Variants in ACTR3B observed in about 807,000 individuals in gnomAD.
The protein encoded by ACTR3B is actin-related protein 3B.
A neutral mutation model predicts 59.0 loss-of-function variants in ACTR3B; 8 were observed. That is an observed-to-expected ratio of 0.14 (90% CI 0.08 to 0.24). The LOEUF (loss-of-function observed/expected upper bound fraction) is 0.24, where lower values mean the gene tolerates loss of function less well. ACTR3B is among the 10% of genes least tolerant of loss of function. The probability of loss-of-function intolerance (pLI) is 1.00; values close to 1 mark genes in which losing one functional copy is unlikely to be tolerated. For synonymous variants in ACTR3B, 148 were observed against 197.9 expected (o/e 0.75, Z 2.12); for missense variants, 245 against 552.3 (o/e 0.44, Z 5.58).
intron 2 of ACTR3B, among the ~76,000 whole-genome samples, chr7:152,793,421 C>T (rs2098204569): frequency 7.7e-6 from 1 of 129,308 alleles, no homozygotes; most frequent in South Asian, 2.6e-4. Context: ...GTGTTTCTTT[C>T]CTCTGTCCTT....
At chr7:152,811,415 G>A (rs1169361697) in intron 4 of ACTR3B, 1 of 151,616 alleles carries the variant, frequency 6.6e-6, no homozygotes, top group Non-Finnish European at 1.5e-5. Flanking sequence ...TAGTAAAGTG[G>A]AAGGCTGGGA....
intron 1 of ACTR3B, among the ~76,000 whole-genome samples, chr7:152,767,853 G>A (rs6977443): frequency 0.018 from 2,728 of 151,778 alleles, 91 homozygotes; most frequent in African/African-American, 0.063. Flanking sequence ...ATTTTATAAC[G>A]TGCTGCTTTA....
intron 2 of ACTR3B, among the ~76,000 whole-genome samples, chr7:152,789,260 C>T (rs146642865): frequency 0.011 from 1,668 of 149,156 alleles, 39 homozygotes; most frequent in Non-Finnish European, 0.014. Flanking sequence ...CGTGTAGTGA[C>T]GCTCACCTGT....
At chr7:152,787,754 G>T (rs1014245714) in intron 2 of ACTR3B, among the ~76,000 whole-genome samples, 1 of 151,868 alleles carries the variant, frequency 6.6e-6, no homozygotes, top group Non-Finnish European at 1.5e-5. Flanking sequence ...TGTTCCGTAC[G>T]TTCCATACTC....
intron 9 of ACTR3B, among the ~76,000 whole-genome samples, chr7:152,837,202 C>CA (rs758093580): frequency 2.5e-4 from 38 of 151,764 alleles, no homozygotes; most frequent in South Asian, 4.2e-4. Flanking sequence ...ACCAAAAAAA[C>CA]AAAAAAAAGA....
intron 6 of ACTR3B, among the ~76,000 whole-genome samples, chr7:152,819,902 A>G (rs1474990692): frequency 2.0e-5 from 3 of 152,164 alleles, no homozygotes; most frequent in African/African-American, 4.8e-5. Flanking sequence ...ACGTAAGTAG[A>G]TTTATAGTTG....
rs148841953 is a variant in ACTR3B, at chr7:152,847,913, G to A, written c.952-4213G>A. ...ATAATGATGCGCGTTTCTTCCCGCC[G>A]TGTCTTCTAATGGCTCGCGGTGCAA... On this transcript the variant is annotated intron_variant, in intron 9 of 11. Coordinates refer to ENST00000256001, the MANE Select transcript of ACTR3B (RefSeq NM_020445.6). Among the ~76,000 whole-genome samples, 1,160 of 152,320 alleles carry A rather than the reference G, an allele frequency of 7.6e-3. 11 individuals are homozygous for A. Among genetic ancestry groups the A allele is most frequent in the Middle Eastern group, 0.01 (3 of 294 alleles).
At chr7:152,835,409 C>A (rs1797368321) in intron 9 of ACTR3B, among the ~76,000 whole-genome samples, 1 of 152,152 alleles carries the variant, frequency 6.6e-6, no homozygotes, top group African/African-American at 2.4e-5. Context: ...ATGAAGTGAG[C>A]CACACACACT....
chr7:152,838,032 T>A (rs1363313976), intron 9 of ACTR3B, among the ~76,000 whole-genome samples: 1 of 152,212 alleles, frequency 6.6e-6, no homozygotes, highest in Non-Finnish European at 1.5e-5. Flanking sequence ...AGGTTTTCCT[T>A]GGTTTCAGTT....
At chr7:152,845,846 C>T (rs1323844613) in intron 9 of ACTR3B, among the ~76,000 whole-genome samples, 9 of 152,194 alleles carry the variant, frequency 5.9e-5, no homozygotes, top group East Asian at 3.9e-4. Context: ...TCTTCCTGAG[C>T]ATTTTCTTAA....
chr7:152,842,531 A>T (rs1797947772), intron 9 of ACTR3B, among the ~76,000 whole-genome samples: 1 of 151,958 alleles, frequency 6.6e-6, no homozygotes, highest in Non-Finnish European at 1.5e-5. Flanking sequence ...GGAGCCGCAG[A>T]TAATGGGGGG....
rs546952506 is a variant in ACTR3B at position 152,764,319 on chromosome 7, T to C, written c.44+4393T>C. Among the ~76,000 whole-genome samples the C allele has an allele frequency of 4.6e-5, 7 of 152,222 alleles. No individual in the cohort carries two copies. In the South Asian group the frequency reaches 1.4e-3, roughly 32 times the overall value. ...ACTGCACCTGGCCTTCCATGTTCTTTAGACATGTCTTCATTTTTTGAGCAT... is the reference window on the plus strand; with the variant it reads ...ACTGCACCTGGCCTTCCATGTTCTTCAGACATGTCTTCATTTTTTGAGCAT... On this transcript the variant is annotated intron_variant, in intron 1 of 11. Transcript: ENST00000256001.
intron 7 of ACTR3B, among the ~76,000 whole-genome samples, chr7:152,820,795 G>A (rs1167248173): frequency 6.6e-6 from 1 of 152,260 alleles, no homozygotes; most frequent in Non-Finnish European, 1.5e-5. Flanking sequence ...GGCGACCACA[G>A]CAGCAGAACA....
At chr7:152,779,697 T>C (rs1180641477) in intron 1 of ACTR3B, among the ~76,000 whole-genome samples, 1 of 152,188 alleles carries the variant, frequency 6.6e-6, no homozygotes, top group African/African-American at 2.4e-5. Flanking sequence ...CAGTCTAGCA[T>C]TGAGTTCTCC....
chr7:152,819,237 A>G (rs1795960559), intron 6 of ACTR3B, among the ~76,000 whole-genome samples: 1 of 152,180 alleles, frequency 6.6e-6, no homozygotes, highest in Admixed American at 6.5e-5. Context: ...AAACCATAGG[A>G]GGAATTCAGT....
At chr7:152,835,287 C>T (rs1209735401) in intron 9 of ACTR3B, among the ~76,000 whole-genome samples, 1 of 152,102 alleles carries the variant, frequency 6.6e-6, no homozygotes. Flanking sequence ...TATTAGGTCA[C>T]CCTTACACAG....
At chr7:152,768,415 G>GTGTT (rs552511585) in intron 1 of ACTR3B, among the ~76,000 whole-genome samples, 54 of 152,210 alleles carry the variant, frequency 3.5e-4, no homozygotes, top group East Asian at 1.2e-3. Flanking sequence ...GATAGTTCTG[G>GTGTT]TGTTTGTTTG....
At chr7:152,804,791 G>T (rs11760209) in intron 4 of ACTR3B, among the ~76,000 whole-genome samples, 90,664 of 151,954 alleles carry the variant, frequency 0.6, 28,350 homozygotes, top group East Asian at 0.75. Flanking sequence ...ACATTTAGGA[G>T]TACAGTATGG....
At chr7:152,851,588 C>T (rs1798809331) in intron 9 of ACTR3B, among the ~76,000 whole-genome samples, 1 of 152,220 alleles carries the variant, frequency 6.6e-6, no homozygotes, top group African/African-American at 2.4e-5. Context: ...CCTCAGCCCC[C>T]CACCGAGCTT....
Sources: gnomAD v4.1 joint callset for allele counts (sites outside exome capture counted in the v4.1 genomes callset) on GRCh38, gnomAD v4.1.1 for gene constraint, MANE v1.5 for transcripts, NCBI Gene and HGNC (gene_info 2026-07-23, HGNC 2026-07-21) for gene names.